The following MAF variants were observed in gnomAD, a reference collection of about 807,000 sequenced individuals.
The protein encoded by MAF is MAF bZIP transcription factor.
MAF carries 10 observed loss-of-function variants against 22.0 expected under a neutral mutation model. That is an observed-to-expected ratio of 0.45 (90% CI 0.28 to 0.77). MAF has a LOEUF of 0.77. Among genes scored for constraint, MAF ranks in the 30% least tolerant of loss-of-function variants. The probability of loss-of-function intolerance (pLI) is 0.12; values close to 1 mark genes in which losing one functional copy is unlikely to be tolerated. For missense variants in MAF, 544 were observed against 548.4 expected (o/e 0.99, Z 0.08); for synonymous variants, 337 against 255.8 (o/e 1.32, Z -3.03).
rs1014539035 is a variant in MAF, at chr16:79,600,582, T to C, written c.-680A>G. The C allele has an allele frequency of 1.0e-5, 2 of 196,126 alleles. No individual in the cohort carries two copies. The highest frequency in any genetic ancestry group is 2.3e-5 in the Non-Finnish European group (2 of 85,226). The allele number at this position is 196,126 out of a possible 1,614,324, so 12.1% of individuals were successfully genotyped here. A position where few individuals can be genotyped will look rare whatever the true frequency, so the allele number is the denominator to read the frequency against. ...ACTGGAGGAGAGGGAGGGGGGAGTT[T>C]AGTTCTTTCTTGCCTTTTTTTAAAA... is the stretch of plus-strand genomic sequence containing the variant. On this transcript the variant is annotated 5_prime_UTR_variant, in exon 1 of 2. Coordinates refer to ENST00000326043, the MANE Select transcript of MAF (RefSeq NM_005360.5).
the MAF span, among the ~76,000 whole-genome samples, chr16:79,570,206 T>G: frequency 2.5e-4 from 38 of 152,038 alleles, no homozygotes; most frequent in African/African-American, 8.9e-4. Context: ...GAAATAAGAT[T>G]TACCTTTCTT....
chr16:79,440,767 G>C, the MAF span, among the ~76,000 whole-genome samples: 2 of 152,320 alleles, frequency 1.3e-5, no homozygotes, highest in East Asian at 1.9e-4. Flanking sequence ...AGAATGGCTT[G>C]CTGTTATTTT....
At chr16:79,224,775 A>G in the MAF span, among the ~76,000 whole-genome samples, 1 of 152,228 alleles carries the variant, frequency 6.6e-6, no homozygotes, top group African/African-American at 2.4e-5. Context: ...CTACAAAGAG[A>G]ATAAAATACC....
the MAF span, among the ~76,000 whole-genome samples, chr16:79,344,470 G>C: frequency 7.9e-5 from 12 of 152,232 alleles, no homozygotes; most frequent in Admixed American, 7.8e-4. Flanking sequence ...AACTATGCTT[G>C]GACAACAGCA....
At chr16:79,366,498 C>CATAT in the MAF span, among the ~76,000 whole-genome samples, 1 of 152,178 alleles carries the variant, frequency 6.6e-6, no homozygotes, top group Admixed American at 6.5e-5. Context: ...GGAATTCTCT[C>CATAT]ATATATTTAA....
chr16:79,466,778 C>T, the MAF span, among the ~76,000 whole-genome samples: 1 of 152,216 alleles, frequency 6.6e-6, no homozygotes, highest in Non-Finnish European at 1.5e-5. Flanking sequence ...GAATAATTAT[C>T]TCATGCAACA....
chr16:79,553,861 G>T, the MAF span, among the ~76,000 whole-genome samples: 74 of 152,116 alleles, frequency 4.9e-4, 1 homozygote, highest in African/African-American at 1.7e-3. Context: ...GGCCGAGGCG[G>T]GTGGATCATT....
the MAF span, among the ~76,000 whole-genome samples, chr16:79,376,060 A>G: frequency 6.6e-6 from 1 of 152,104 alleles, no homozygotes; most frequent in Non-Finnish European, 1.5e-5. Flanking sequence ...AAACATTGAC[A>G]TTGCCTGGGA....
the MAF span, among the ~76,000 whole-genome samples, chr16:79,556,474 C>A: frequency 1.3e-5 from 2 of 152,126 alleles, no homozygotes; most frequent in African/African-American, 4.8e-5. Flanking sequence ...TTGCCTGAAC[C>A]CACAATAATA....
the MAF span, among the ~76,000 whole-genome samples, chr16:79,252,650 T>A: frequency 1.3e-5 from 2 of 151,994 alleles, no homozygotes; most frequent in African/African-American, 4.8e-5. Flanking sequence ...GTACCACGCT[T>A]GGCTAATTTT....
the MAF span, among the ~76,000 whole-genome samples, chr16:79,309,803 C>T: frequency 6.6e-6 from 1 of 152,168 alleles, no homozygotes; most frequent in Non-Finnish European, 1.5e-5. Context: ...ACCGGAAGAG[C>T]AAATTGAGAA....
At chr16:79,447,097 A>G in the MAF span, among the ~76,000 whole-genome samples, 5 of 152,104 alleles carry the variant, frequency 3.3e-5, no homozygotes, top group African/African-American at 1.2e-4. Context: ...ATGGAGACAT[A>G]CAAAGTGACA....
chr16:79,329,562 G>A, the MAF span, among the ~76,000 whole-genome samples: 1 of 151,974 alleles, frequency 6.6e-6, no homozygotes, highest in Admixed American at 6.6e-5. Context: ...TGTACATTAA[G>A]CAACAAAGTG....
At chr16:79,528,384 A>G in the MAF span, among the ~76,000 whole-genome samples, 8 of 152,164 alleles carry the variant, frequency 5.3e-5, no homozygotes, top group Non-Finnish European at 1.5e-5. Context: ...CACCCACACT[A>G]TCAACAGACA....
chr16:79,481,508 C>T, the MAF span, among the ~76,000 whole-genome samples: 1 of 152,086 alleles, frequency 6.6e-6, no homozygotes, highest in African/African-American at 2.4e-5. Context: ...CTCCATGCCC[C>T]TAACAGTCCC....
the MAF span, among the ~76,000 whole-genome samples, chr16:79,466,298 A>T: frequency 6.6e-6 from 1 of 152,200 alleles, no homozygotes; most frequent in Non-Finnish European, 1.5e-5. Flanking sequence ...ATGCTCTGAA[A>T]TCTGTGTGAA....
At chr16:79,232,561 T>C in the MAF span, among the ~76,000 whole-genome samples, 8 of 151,990 alleles carry the variant, frequency 5.3e-5, no homozygotes, top group South Asian at 2.1e-4. Context: ...ATACTTAACC[T>C]AATATTAGAA....
chr16:79,457,516 T>C, the MAF span, among the ~76,000 whole-genome samples: 8 of 151,824 alleles, frequency 5.3e-5, no homozygotes, highest in Non-Finnish European at 1.0e-4. Context: ...CATTCAACCA[T>C]GTCAGCAGCA....
the MAF span, among the ~76,000 whole-genome samples, chr16:79,462,606 T>C: frequency 6.6e-6 from 1 of 152,214 alleles, no homozygotes; most frequent in Admixed American, 6.5e-5. Flanking sequence ...CATTTGTACA[T>C]GTGCAAACAT....
Sources: allele counts gnomAD v4.1 joint callset (sites outside exome capture counted in the v4.1 genomes callset), GRCh38; gene constraint gnomAD v4.1.1; transcripts MANE v1.5; gene names NCBI Gene and HGNC (gene_info 2026-07-23, HGNC 2026-07-21).